The following TESK2 variants were observed in gnomAD, a reference collection of about 807,000 sequenced individuals.
TESK2 encodes testis associated actin remodelling kinase 2.
In TESK2, 39 loss-of-function variants were observed where a neutral mutation model predicts 57.1. That is an observed-to-expected ratio of 0.68 (90% CI 0.53 to 0.89). TESK2 has a LOEUF of 0.89. Among genes scored for constraint, TESK2 ranks in the 40% least tolerant of loss-of-function variants. TESK2 has a pLI of 0.00. For missense variants in TESK2, 646 were observed against 732.1 expected (o/e 0.88, Z 1.36); for synonymous variants, 249 against 267.9 (o/e 0.93, Z 0.69).
intron 2 of TESK2, among the ~76,000 whole-genome samples, chr1:45,433,070 T>C (rs1376045861): frequency 0.068 from 3,162 of 46,336 alleles, 118 homozygotes; most frequent in Non-Finnish European, 0.1. Flanking sequence ...AGCCGCTTTT[T>C]TTTTTTTTTT....
chr1:45,466,779 A>G (rs935074064), intron 1 of TESK2, among the ~76,000 whole-genome samples: 1 of 151,420 alleles, frequency 6.6e-6, no homozygotes, highest in Admixed American at 6.6e-5. Flanking sequence ...ACTTCTAGTT[A>G]TATGAACTTA....
At chr1:45,354,993 G>A (rs1039544928) in intron 5 of TESK2, among the ~76,000 whole-genome samples, 1 of 151,362 alleles carries the variant, frequency 6.6e-6, no homozygotes, top group Non-Finnish European at 1.5e-5. Context: ...AGACCAGCCT[G>A]GCCAATATGG....
At chr1:45,477,439 A>G (rs1385574450) in intron 1 of TESK2, among the ~76,000 whole-genome samples, 1 of 152,012 alleles carries the variant, frequency 6.6e-6, no homozygotes, top group African/African-American at 2.4e-5. Flanking sequence ...CCTGGCCAAC[A>G]TGGCTAAACC....
chr1:45,488,821 C>G (rs1653588977), intron 1 of TESK2, among the ~76,000 whole-genome samples: 1 of 152,094 alleles, frequency 6.6e-6, no homozygotes, highest in African/African-American at 2.4e-5. Flanking sequence ...CCATCCCCAC[C>G]CTACCAAAAC....
At chr1:45,462,285 A>AT (rs1466673188) in intron 1 of TESK2, among the ~76,000 whole-genome samples, 2 of 146,330 alleles carry the variant, frequency 1.4e-5, no homozygotes, top group Non-Finnish European at 3.0e-5. Flanking sequence ...TTTTTTTTTT[A>AT]TTTTTTAGAT....
rs769992754 is a variant in TESK2 at position 45,347,911 on chromosome 1, TAC to T, written c.623+5_623+6del. 3.1e-6 allele frequency: 5 copies of T among 1,609,260 alleles called. No individual in the cohort carries two copies. The highest frequency in any genetic ancestry group is 3.4e-6 in the Non-Finnish European group (4 of 1,175,648). ...CTTGGACCCCAGCATCCAGTAGGGC[TAC>T]ACACCTGACATCGGGGATCTTCTCA... is the stretch of plus-strand genomic sequence containing the variant. On this transcript the variant is annotated splice_donor_5th_base_variant and intron_variant, in intron 6 of 10. Transcript: ENST00000372086.
chr1:45,435,941 C>T (rs904133798), intron 2 of TESK2, among the ~76,000 whole-genome samples: 1 of 151,684 alleles, frequency 6.6e-6, no homozygotes. Context: ...TGTTGAAAAT[C>T]AGTTGGCTGT....
intron 2 of TESK2, among the ~76,000 whole-genome samples, chr1:45,427,030 G>C (rs1369733136): frequency 6.6e-6 from 1 of 152,064 alleles, no homozygotes; most frequent in Non-Finnish European, 1.5e-5. Context: ...ATTACCTGAG[G>C]TCGGGAGTTG....
At chr1:45,443,818 C>T (rs766842721) in intron 2 of TESK2, among the ~76,000 whole-genome samples, 4 of 152,052 alleles carry the variant, frequency 2.6e-5, no homozygotes, top group African/African-American at 7.2e-5. Flanking sequence ...CATCACCTAC[C>T]GGTGCACTAC....
chr1:45,484,226 G>A (rs974756196), intron 1 of TESK2, among the ~76,000 whole-genome samples: 5 of 149,082 alleles, frequency 3.4e-5, no homozygotes, highest in African/African-American at 7.4e-5. Context: ...CTCCTACCTC[G>A]GCCTCCCGAG....
At chr1:45,359,288 C>T (rs1405075835) in intron 4 of TESK2, among the ~76,000 whole-genome samples, 2 of 151,490 alleles carry the variant, frequency 1.3e-5, no homozygotes, top group African/African-American at 4.9e-5. Context: ...GGCCAGGCGC[C>T]GTGGCTCACG....
chr1:45,404,705 G>A (rs896948968), intron 3 of TESK2, among the ~76,000 whole-genome samples: 26 of 151,838 alleles, frequency 1.7e-4, no homozygotes, highest in African/African-American at 6.3e-4. Context: ...CACCACGCCG[G>A]GCTATTTTTG....
chr1:45,378,930 T>C lies in TESK2; in HGVS notation c.393+6982A>G, dbSNP rs189158050. ...ACTGTTAGTACCTCTGGTGTGTCTC[T>C]AAACTACCATGTGGTGGTTAACAGC... On this transcript the variant is annotated intron_variant, in intron 4 of 10. Transcript: ENST00000372086. Among the ~76,000 whole-genome samples the C allele has an allele frequency of 4.1e-4, 62 of 152,328 alleles. No homozygotes were observed. In the East Asian group the frequency reaches 0.011, roughly 28 times the overall value.
chr1:45,363,925 C>CAGAGTTGTTGTGAAGATTCAGTA (rs1647799768), intron 4 of TESK2, among the ~76,000 whole-genome samples: 1 of 151,986 alleles, frequency 6.6e-6, no homozygotes, highest in East Asian at 1.9e-4. Context: ...GCCTAACCCA[C>CAGAGTTGTTGTGAAGATTCAGTA]AGAGTTGTTG....
At chr1:45,350,339 C>T (rs1647213975) in intron 5 of TESK2, among the ~76,000 whole-genome samples, 1 of 152,198 alleles carries the variant, frequency 6.6e-6, no homozygotes, top group Admixed American at 6.5e-5. Flanking sequence ...GCTGCACAGT[C>T]AGTATTAACA....
intron 4 of TESK2, among the ~76,000 whole-genome samples, chr1:45,368,324 G>C (rs1648030476): frequency 6.6e-6 from 1 of 151,262 alleles, no homozygotes. Context: ...AAACATTCTT[G>C]TCATCTTTTT....
chr1:45,360,343 A>G (rs1647629475), intron 4 of TESK2, among the ~76,000 whole-genome samples: 1 of 152,144 alleles, frequency 6.6e-6, no homozygotes, highest in African/African-American at 2.4e-5. Flanking sequence ...CTTTAGCATG[A>G]TGACAGTGTG....
intron 4 of TESK2, among the ~76,000 whole-genome samples, chr1:45,378,549 T>A (rs1017717136): frequency 6.6e-6 from 1 of 152,170 alleles, no homozygotes; most frequent in Non-Finnish European, 1.5e-5. Context: ...GCACCAGATA[T>A]GCAAATGAAG....
chr1:45,428,369 A>G (rs1650787579), intron 2 of TESK2, among the ~76,000 whole-genome samples: 1 of 152,216 alleles, frequency 6.6e-6, no homozygotes, highest in Non-Finnish European at 1.5e-5. Context: ...CAAGAAAAAA[A>G]GCACTGTGTG....
Sources: gnomAD v4.1 joint callset for allele counts (sites outside exome capture counted in the v4.1 genomes callset) on GRCh38, gnomAD v4.1.1 for gene constraint, MANE v1.5 for transcripts, NCBI Gene and HGNC (gene_info 2026-07-23, HGNC 2026-07-21) for gene names.